Variants in DNAH12 observed in about 807,000 individuals in gnomAD.
DNAH12 encodes the protein dynein axonemal heavy chain 12, also known as axonemal beta dynein heavy chain 12.
A neutral mutation model predicts 371.5 loss-of-function variants in DNAH12; 285 were observed. The ratio of observed to expected loss-of-function variants is 0.77; its 90% CI spans 0.70 to 0.85. The LOEUF is 0.85. DNAH12 is among the 40% of genes least tolerant of loss of function. The pLI is 0.00. For missense variants in DNAH12, 3,611 were observed against 3,689.4 expected (o/e 0.98, Z 0.55); for synonymous variants, 1,200 against 1,213.0 (o/e 0.99, Z 0.22).
intron 60 of DNAH12, among the ~76,000 whole-genome samples, chr3:57,336,179 C>A (rs1553653626): frequency 2.0e-5 from 3 of 152,094 alleles, no homozygotes; most frequent in Admixed American, 6.5e-5. Flanking sequence ...AATCCAGTAG[C>A]AATTTAACTA....
At chr3:57,499,673 T>TATATATATATATATATATACACACAC (rs771112538) in intron 11 of DNAH12, among the ~76,000 whole-genome samples, 65 of 44,374 alleles carry the variant, frequency 1.5e-3, no homozygotes, top group Non-Finnish European at 2.2e-3. Flanking sequence ...TATATATATA[T>TATATATATATATATATATACACACAC]ATACTTCTTA....
intron 70 of DNAH12, among the ~76,000 whole-genome samples, chr3:57,299,722 T>C (rs1446347588): frequency 6.6e-6 from 1 of 152,136 alleles, no homozygotes; most frequent in Non-Finnish European, 1.5e-5. Context: ...TTTTCTCTCA[T>C]CGTGAACCAG....
At chr3:57,324,771 T>C (rs1333674414) in intron 62 of DNAH12, among the ~76,000 whole-genome samples, 1 of 152,202 alleles carries the variant, frequency 6.6e-6, no homozygotes, top group Non-Finnish European at 1.5e-5. Flanking sequence ...GGCGAGGCAT[T>C]GCCTCACTCG....
chr3:57,297,114 C>G, intron 70 of DNAH12, 130 bp from the exon 71 acceptor site: 1 of 986,094 alleles, frequency 1.0e-6, no homozygotes, highest in Non-Finnish European at 1.5e-6. Context: ...TCTTCCCTGA[C>G]GTCAAACACA....
At chr3:57,315,619 T>C (rs1477915327) in intron 65 of DNAH12, among the ~76,000 whole-genome samples, 1 of 151,922 alleles carries the variant, frequency 6.6e-6, no homozygotes, top group Non-Finnish European at 1.5e-5. Context: ...CCTCCAAAAG[T>C]AGACCTTGAG....
intron 32 of DNAH12, among the ~76,000 whole-genome samples, chr3:57,430,826 T>G (rs73074588): frequency 6.6e-6 from 1 of 152,250 alleles, no homozygotes; most frequent in Non-Finnish European, 1.5e-5. Flanking sequence ...ATTTAACATT[T>G]GTGGATTCCG....
chr3:57,432,336 A>AT (rs35536105), intron 32 of DNAH12, among the ~76,000 whole-genome samples: 70,025 of 137,618 alleles, frequency 0.51, 17,648 homozygotes, highest in South Asian at 0.56. Flanking sequence ...CACCCAGCTA[A>AT]TTTTTTTTTT....
chr3:57,454,863 A>G lies in DNAH12; in HGVS notation c.3368T>C (p.Val1123Ala). ...AYPESARRDW[V>A]REWPGQVVLC... ...TACAACTTGGCCAGGCCACTCTCGA[A>G]CCCAGTCTCTTCTTGCAGATTCTGG... Residue 1123 changes from valine to alanine, a missense_variant, in exon 23 of 74, where the codon GTT becomes GCT. By Grantham distance (64) the Val-to-Ala change is moderately conservative (BLOSUM62 0). This residue lies in a region of DNAH12 where 1,314 missense variants were observed against 1,398.7 expected (regional missense o/e 0.94). Transcript: ENST00000495027. 1.9e-6 allele frequency: 3 copies of G among 1,551,234 alleles called. No homozygotes were observed. Among genetic ancestry groups the G allele is most frequent in the Non-Finnish European group, 2.6e-6 (3 of 1,146,756 alleles).
Position 57,377,184 on chromosome 3 carries a change from C to T in DNAH12, c.8262G>A (p.Gln2754=), listed in dbSNP as rs2063297482. Residue 2754 remains glutamine, a synonymous_variant, in exon 53 of 74, where the codon CAG becomes CAA. Transcript: ENST00000495027. The stretch of plus-strand genomic sequence containing the variant: ...GCTCCATTGTCTCAGCTAAAGACTT[C>T]TGAGCTTCTGATAAGCGAGCTTTCT... ...APKKARLSEA[Q]KSLAETMELL... The T allele has an allele frequency of 6.6e-6, 1 of 152,144 alleles. No homozygotes were observed. Among genetic ancestry groups the T allele is most frequent in the Admixed American group, 6.6e-5 (1 of 15,252 alleles). The allele number at this position is 152,144 out of a possible 1,614,324, so 9.4% of individuals were successfully genotyped here. A position where few individuals can be genotyped will look rare whatever the true frequency, so the allele number is the denominator to read the frequency against.
intron 49 of DNAH12, among the ~76,000 whole-genome samples, chr3:57,383,664 C>T (rs1387407492): frequency 9.2e-5 from 7 of 76,452 alleles, no homozygotes; most frequent in African/African-American, 3.3e-4. Flanking sequence ...GGGTGGGGGG[C>T]GGGGGGGATT....
chr3:57,450,264 G>A (rs58786697), intron 25 of DNAH12, among the ~76,000 whole-genome samples: 1,083 of 50,382 alleles, frequency 0.021, 22 homozygotes, highest in African/African-American at 0.067. Context: ...AAAAAAAAAA[G>A]GTGGCCCAGT....
In DNAH12 at chr3:57,477,590, A is replaced by G. The variant is rs564016949; in HGVS notation, c.1651-4919T>C. Among the ~76,000 whole-genome samples the G allele has an allele frequency of 2.2e-4, 34 of 152,290 alleles. No homozygotes were observed. In the East Asian group the frequency reaches 6.2e-3, roughly 28 times the overall value. ...TGAAGAGAATAGTGGTTCTCCCAGC[A>G]TGCAGCTGGAGATCTGAGAATGGAC... On this transcript the variant is annotated intron_variant, in intron 13 of 73. Coordinates refer to ENST00000495027, the MANE Select transcript of DNAH12 (RefSeq NM_001366028.2).
chr3:57,320,990 T>A (rs1247520377), intron 65 of DNAH12, among the ~76,000 whole-genome samples: 1 of 152,166 alleles, frequency 6.6e-6, no homozygotes, highest in Non-Finnish European at 1.5e-5. Flanking sequence ...TCCCAATACT[T>A]ACGGTGCCAG....
At chr3:57,440,298 T>C (rs1282825525) in intron 29 of DNAH12, among the ~76,000 whole-genome samples, 1 of 152,076 alleles carries the variant, frequency 6.6e-6, no homozygotes, top group African/African-American at 2.4e-5. Context: ...CAACAGTAGA[T>C]TGAATAAAGC....
chr3:57,445,234 G>T lies in DNAH12; in HGVS notation c.4365C>A (p.Ala1455=), dbSNP rs1049308243. ...TTAGATTGCCAGCAGCCACTAAAAC[G>T]GCTTTTACTGCTCGCATTCCATAGT... ...HYDYGMRAVK[A]VLVAAGNLKL... Residue 1455 remains alanine (A), a synonymous_variant, in exon 28 of 74, where the codon GCC becomes GCA. Transcript: ENST00000495027. 6.4e-7 allele frequency: 1 copy of T among 1,550,726 alleles called. No individual in the cohort carries two copies. The highest frequency in any genetic ancestry group is 8.7e-7 in the Non-Finnish European group (1 of 1,146,482).
chr3:57,324,959 C>T (rs1276283878), intron 62 of DNAH12, among the ~76,000 whole-genome samples: 1 of 152,192 alleles, frequency 6.6e-6, no homozygotes, highest in African/African-American at 2.4e-5. Flanking sequence ...CATGAAGTCT[C>T]GCTGATTGCT....
In DNAH12 at chr3:57,470,608, TTTTGTAG is replaced by T. The variant is rs1559694581; in HGVS notation, c.1933_1939del (p.Leu645AsnfsTer24). The T allele has an allele frequency of 6.5e-7, 1 of 1,540,898 alleles. No homozygotes were observed. ...TGCTTCTTCAGATTCCTGAATACGT[TTTTGTAG>T]TTGTCTTACATCTGTCACATACTGA... On this transcript the variant is annotated frameshift_variant, in exon 16 of 74. Coordinates refer to ENST00000495027, the MANE Select transcript of DNAH12 (RefSeq NM_001366028.2). LOFTEE classifies it high-confidence loss of function.
intron 50 of DNAH12, among the ~76,000 whole-genome samples, chr3:57,380,834 A>G (rs2063375082): frequency 6.6e-6 from 1 of 151,736 alleles, no homozygotes; most frequent in South Asian, 2.1e-4. Context: ...GAACATGTTA[A>G]ACATAAAATA....
chr3:57,299,110 T>C (rs568383668), intron 70 of DNAH12, among the ~76,000 whole-genome samples: 2 of 152,190 alleles, frequency 1.3e-5, no homozygotes, highest in South Asian at 2.1e-4. Flanking sequence ...GAGAAAGAGA[T>C]GAAGTCTGAC....
Sources: gnomAD v4.1 joint callset for allele counts (sites outside exome capture counted in the v4.1 genomes callset) on GRCh38, gnomAD v4.1.1 for gene constraint, gnomAD v4.1.1 regional missense constraint, MANE v1.5 for transcripts, NCBI Gene and HGNC (gene_info 2026-07-23, HGNC 2026-07-21) for gene names.